Variants in SAMMSON observed in about 807,000 individuals in gnomAD.
SAMMSON encodes long intergenic non-protein coding RNA 1212.
chr3:70,409,151 G>A (rs1701199000), intron 2 of SAMMSON, among the ~76,000 whole-genome samples: 1 of 152,160 alleles, frequency 6.6e-6, no homozygotes, highest in African/African-American at 2.4e-5. Context: ...TGAGATTTGG[G>A]TGGGGACATA....
intron 3 of SAMMSON, among the ~76,000 whole-genome samples, chr3:70,040,764 G>A (rs1006369521): frequency 1.3e-5 from 2 of 152,128 alleles, no homozygotes; most frequent in African/African-American, 2.4e-5. Context: ...TGGTGGCTAA[G>A]GGAGGTGAGT....
At chr3:70,409,151 G>T (rs1701199000) in intron 2 of SAMMSON, among the ~76,000 whole-genome samples, 1 of 152,160 alleles carries the variant, frequency 6.6e-6, no homozygotes, top group African/African-American at 2.4e-5. Flanking sequence ...TGAGATTTGG[G>T]TGGGGACATA....
chr3:70,019,285 A>G (rs1465189689), intron 3 of SAMMSON, among the ~76,000 whole-genome samples: 22 of 152,240 alleles, frequency 1.4e-4, no homozygotes, highest in South Asian at 6.2e-4. Context: ...GTGCATTTAT[A>G]TTTAGGATAG....
rs28583747 is a variant in SAMMSON at position 70,176,792 on chromosome 3, G to T, written n.508-72315G>T. 8.8e-3 allele frequency among the ~76,000 whole-genome samples: 1,337 copies of T among 152,028 alleles called. 15 individuals are homozygous for T. Among genetic ancestry groups the T allele is most frequent in the African/African-American group, 0.023 (953 of 41,472 alleles). ...TAAATGATCAAATATTATATAAACT[G>T]GTTAAATAAGAGTATAAAAAGATGA... On this transcript the variant is annotated intron_variant and non_coding_transcript_variant, in intron 4 of 9. Transcript: ENST00000642114.
Position 70,380,764 on chromosome 3 carries a change from A to G in SAMMSON, n.914-8810A>G, listed in dbSNP as rs747182236. On this transcript the variant is annotated intron_variant and non_coding_transcript_variant, in intron 9 of 9. Transcript: ENST00000642114. The stretch of plus-strand genomic sequence containing the variant: ...TTTGTCCAAGTGTTCTCATTGTTCA[A>G]TTCCCACCTATGAGTGAGAGTATGC... Among the ~76,000 whole-genome samples the G allele has an allele frequency of 7.9e-5, 12 of 151,890 alleles. 1 individual carries two copies. The highest frequency in any genetic ancestry group is 4.2e-4 in the South Asian group (2 of 4,810).
intron 2 of SAMMSON, chr3:70,425,298 A>G (rs1008390803): frequency 1.3e-5 from 2 of 152,218 alleles, no homozygotes; most frequent in Admixed American, 1.3e-4. Context: ...GTGGAGCACA[A>G]AAGAAATTGA....
At chr3:70,292,277 A>G (rs985984139) in intron 7 of SAMMSON, among the ~76,000 whole-genome samples, 4 of 152,128 alleles carry the variant, frequency 2.6e-5, no homozygotes, top group African/African-American at 4.8e-5. Flanking sequence ...GATAACAATT[A>G]TATTTATTTG....
chr3:70,379,896 A>G (rs1042831699), intron 9 of SAMMSON, among the ~76,000 whole-genome samples: 1 of 152,204 alleles, frequency 6.6e-6, no homozygotes. Context: ...CTAAGAATAT[A>G]TTAAAGTTAA....
At chr3:70,378,380 T>C (rs535083815) in intron 9 of SAMMSON, among the ~76,000 whole-genome samples, 1 of 152,124 alleles carries the variant, frequency 6.6e-6, no homozygotes, top group Non-Finnish European at 1.5e-5. Context: ...AGAATGATTG[T>C]ACTTATATAA....
chr3:70,174,505 T>G (rs1254577912), intron 4 of SAMMSON, among the ~76,000 whole-genome samples: 6 of 151,920 alleles, frequency 3.9e-5, no homozygotes, highest in African/African-American at 1.4e-4. Context: ...AGATAAAGAA[T>G]CCTGGAAGTG....
intron 4 of SAMMSON, among the ~76,000 whole-genome samples, chr3:70,151,301 G>T (rs1175228227): frequency 6.6e-6 from 1 of 152,002 alleles, no homozygotes; most frequent in East Asian, 1.9e-4. Flanking sequence ...GATGGTGTCG[G>T]GGTGTTCAGC....
intron 4 of SAMMSON, chr3:70,183,584 T>C (rs181007593): frequency 6.6e-6 from 1 of 152,194 alleles, no homozygotes; most frequent in Non-Finnish European, 1.5e-5. Flanking sequence ...ATTATTTAAT[T>C]TGGAAGTTAT....
At chr3:70,252,685 ATGTT>A (rs1701780556) in intron 6 of SAMMSON, among the ~76,000 whole-genome samples, 1 of 152,092 alleles carries the variant, frequency 6.6e-6, no homozygotes, top group Non-Finnish European at 1.5e-5. Context: ...GTATTGCCCT[ATGTT>A]TATTTATTTA....
At chr3:70,290,758 C>A (rs1050977257) in intron 6 of SAMMSON, among the ~76,000 whole-genome samples, 2 of 152,198 alleles carry the variant, frequency 1.3e-5, no homozygotes, top group African/African-American at 4.8e-5. Context: ...GTTATAATCT[C>A]GTGGTGCGCC....
chr3:70,402,240 T>C (rs563718130), intron 2 of SAMMSON, among the ~76,000 whole-genome samples: 1 of 152,290 alleles, frequency 6.6e-6, no homozygotes, highest in Non-Finnish European at 1.5e-5. Flanking sequence ...TGTGGAATAA[T>C]AAAACATATA....
intron 3 of SAMMSON, among the ~76,000 whole-genome samples, chr3:70,059,244 A>G (rs1406737047): frequency 6.6e-6 from 1 of 152,172 alleles, no homozygotes; most frequent in Non-Finnish European, 1.5e-5. Flanking sequence ...GGACGAGAAC[A>G]TTAGGTAAGC....
chr3:70,139,525 G>C (rs146208005), intron 4 of SAMMSON, among the ~76,000 whole-genome samples: 1 of 152,264 alleles, frequency 6.6e-6, no homozygotes, highest in Non-Finnish European at 1.5e-5. Flanking sequence ...GCAGCCCTCT[G>C]TCTGGGTCCT....
intron 4 of SAMMSON, among the ~76,000 whole-genome samples, chr3:70,235,588 C>T (rs1235435531): frequency 6.6e-6 from 1 of 152,174 alleles, no homozygotes; most frequent in Non-Finnish European, 1.5e-5. Context: ...CGGCTCTGTC[C>T]TTGTCTTCTT....
chr3:70,179,925 A>C (rs1297617147), intron 4 of SAMMSON, among the ~76,000 whole-genome samples: 1 of 151,996 alleles, frequency 6.6e-6, no homozygotes. Context: ...TAGTGTCAAC[A>C]GTCCTGTGAC....
Sources: allele counts gnomAD v4.1 joint callset (sites outside exome capture counted in the v4.1 genomes callset), GRCh38; gene constraint gnomAD v4.1.1; transcripts MANE v1.5; gene names NCBI Gene and HGNC (gene_info 2026-07-23, HGNC 2026-07-21).